The following PRKAR1B variants were observed in gnomAD, a reference collection of about 807,000 sequenced individuals.
PRKAR1B encodes protein kinase cAMP-dependent type I regulatory subunit beta.
PRKAR1B carries 22 observed loss-of-function variants against 46.5 expected under a neutral mutation model. The ratio of observed to expected loss-of-function variants is 0.47; its 90% CI spans 0.34 to 0.68. The LOEUF (loss-of-function observed/expected upper bound fraction) is 0.68. PRKAR1B is among the 30% of genes least tolerant of loss of function. The pLI is 0.01. For synonymous variants in PRKAR1B, 259 were observed against 217.7 expected (o/e 1.19, Z -1.67); for missense variants, 445 against 535.6 (o/e 0.83, Z 1.67).
chr7:634,842 G>A (rs1251780345), intron 4 of PRKAR1B, among the ~76,000 whole-genome samples: 1 of 151,948 alleles, frequency 6.6e-6, no homozygotes, highest in Non-Finnish European at 1.5e-5. Flanking sequence ...GTTTCACCAC[G>A]TTGGCCAGGC....
chr7:576,885 A>C (rs1197335950), intron 9 of PRKAR1B, among the ~76,000 whole-genome samples: 1 of 151,830 alleles, frequency 6.6e-6, no homozygotes, highest in Non-Finnish European at 1.5e-5. Context: ...CGAAACACAC[A>C]CTTCCTTCCC....
upstream of PRKAR1B, among the ~76,000 whole-genome samples, chr7:728,048 C>T (rs771834298): frequency 1.1e-4 from 16 of 152,136 alleles, no homozygotes; most frequent in South Asian, 4.1e-4. Flanking sequence ...CCTGCCTTTC[C>T]GCTCTGGCTT....
intron 6 of PRKAR1B, 31 bp downstream of exon 6, chr7:606,162 T>C: frequency 6.2e-7 from 1 of 1,612,764 alleles, no homozygotes; most frequent in South Asian, 1.1e-5. Flanking sequence ...AAAGACGCGC[T>C]ATTTTCCAAA....
chr7:670,148 G>T (rs559573365), intron 4 of PRKAR1B, among the ~76,000 whole-genome samples: 107 of 152,142 alleles, frequency 7.0e-4, no homozygotes, highest in African/African-American at 2.5e-3. Context: ...AATTATGGAC[G>T]TGAGCCACCG....
intron 1 of PRKAR1B, chr7:726,591 C>A: frequency 1.6e-6 from 1 of 639,166 alleles, no homozygotes; most frequent in Non-Finnish European, 2.2e-6. Context: ...AGAGCACAGG[C>A]CCACGTGCGC....
At chr7:572,829 C>G (rs568134423) in intron 9 of PRKAR1B, among the ~76,000 whole-genome samples, 1 of 152,222 alleles carries the variant, frequency 6.6e-6, no homozygotes, top group Admixed American at 6.5e-5. Flanking sequence ...TGCGACCCAC[C>G]AAGGCCGTGA....
chr7:710,131 T>C (rs1439839778), intron 2 of PRKAR1B, among the ~76,000 whole-genome samples: 2 of 152,220 alleles, frequency 1.3e-5, no homozygotes, highest in Non-Finnish European at 2.9e-5. Context: ...GTTAGGACTA[T>C]GTGATCACAG....
intron 9 of PRKAR1B, 42 bp from the exon 10 acceptor site, chr7:551,512 G>C (rs1252130365): frequency 1.3e-6 from 2 of 1,539,802 alleles, no homozygotes; most frequent in Non-Finnish European, 1.8e-6. Flanking sequence ...AGCCAGGCGG[G>C]TGCAGGGTGG....
At chr7:578,683 T>C (rs960285014) in intron 9 of PRKAR1B, 1 of 46,696 alleles carries the variant, frequency 2.1e-5, no homozygotes, top group Non-Finnish European at 4.5e-5. Flanking sequence ...TTTATTTTAC[T>C]TTTTTTTTTT....
rs372554857 is a variant in PRKAR1B at position 701,647 on chromosome 7, A to G, written c.177+9682T>C. 2.0e-5 allele frequency among the ~76,000 whole-genome samples: 3 copies of G among 152,324 alleles called. No individual in the cohort carries two copies. The East Asian group carries it at 5.8e-4, about 29-fold the overall frequency. On this transcript the variant is annotated intron_variant, in intron 2 of 10. Coordinates refer to ENST00000537384, the MANE Select transcript of PRKAR1B (RefSeq NM_001164760.2). ...AAAGAAGCCAGAGAAAAGAAACATA[A>G]AGCAAATGAGGGTTCAAAAGGCTGA...
intron 7 of PRKAR1B, among the ~76,000 whole-genome samples, chr7:592,460 G>A (rs1000667367): frequency 1.3e-5 from 2 of 151,280 alleles, no homozygotes; most frequent in Non-Finnish European, 3.0e-5. Flanking sequence ...CCGGACATCG[G>A]TCCCTTCCCG....
At chr7:604,803 G>A (rs1037972825) in intron 6 of PRKAR1B, among the ~76,000 whole-genome samples, 2 of 152,164 alleles carry the variant, frequency 1.3e-5, no homozygotes, top group Non-Finnish European at 2.9e-5. Flanking sequence ...CGGGGGTGGC[G>A]TTGCCTGCAC....
At chr7:675,941 G>A (rs1163442025) in intron 4 of PRKAR1B, among the ~76,000 whole-genome samples, 4 of 152,108 alleles carry the variant, frequency 2.6e-5, no homozygotes, top group East Asian at 1.9e-4. Context: ...GCAAGACTCT[G>A]TCTAAAATAA....
intron 2 of PRKAR1B, among the ~76,000 whole-genome samples, chr7:700,049 G>A (rs953168385): frequency 2.6e-5 from 4 of 152,164 alleles, no homozygotes; most frequent in African/African-American, 9.7e-5. Flanking sequence ...CTCTTGCATG[G>A]AGAATGTGAG....
intron 4 of PRKAR1B, among the ~76,000 whole-genome samples, chr7:668,136 T>C (rs1786037444): frequency 6.6e-6 from 1 of 152,184 alleles, no homozygotes; most frequent in African/African-American, 2.4e-5. Flanking sequence ...TGCAGGTGGA[T>C]GCATCTGCAA....
chr7:705,544 A>G (rs2128524880), intron 2 of PRKAR1B, among the ~76,000 whole-genome samples: 1 of 152,202 alleles, frequency 6.6e-6, no homozygotes, highest in African/African-American at 2.4e-5. Flanking sequence ...ATATTTACTC[A>G]AGTGAAATAA....
At chr7:567,903 G>A (rs980594539) in intron 9 of PRKAR1B, among the ~76,000 whole-genome samples, 1 of 152,094 alleles carries the variant, frequency 6.6e-6, no homozygotes, top group Admixed American at 6.5e-5. Flanking sequence ...TGTGTGTTTG[G>A]TGGGGACAGA....
intron 7 of PRKAR1B, among the ~76,000 whole-genome samples, chr7:588,222 C>A (rs1042411282): frequency 1.4e-4 from 22 of 151,948 alleles, no homozygotes; most frequent in Non-Finnish European, 8.8e-5. Flanking sequence ...AGGACACCCA[C>A]CCTCCCCTGC....
chr7:588,882 G>A (rs1780809221), intron 7 of PRKAR1B, among the ~76,000 whole-genome samples: 1 of 11,538 alleles, frequency 8.7e-5, no homozygotes, highest in Non-Finnish European at 1.5e-4. Context: ...GGTGAGGATA[G>A]TGACAGTGGT....
Sources: gnomAD v4.1 joint callset for allele counts (sites outside exome capture counted in the v4.1 genomes callset) on GRCh38, gnomAD v4.1.1 for gene constraint, MANE v1.5 for transcripts, NCBI Gene and HGNC (gene_info 2026-07-23, HGNC 2026-07-21) for gene names.